ADGRL2: variants seen among roughly 807,000 people sequenced by gnomAD.
ADGRL2 encodes the protein calcium-independent alpha-latrotoxin receptor 2.
ADGRL2 carries 44 observed loss-of-function variants against 157.4 expected under a neutral mutation model. That is an observed-to-expected ratio of 0.28 (90% CI 0.22 to 0.36). The LOEUF (loss-of-function observed/expected upper bound fraction) is 0.36. Ranked by LOEUF, ADGRL2 falls within the 10% of genes least tolerant of loss-of-function variation. The pLI, the probability that ADGRL2 is intolerant of heterozygous loss-of-function variation, is 1.00. For missense variants in ADGRL2, 1,510 were observed against 1,768.9 expected, an observed-to-expected ratio of 0.85 and a Z score of 2.63; for synonymous variants, 585 against 624.7, an observed-to-expected ratio of 0.94 and a Z score of 0.95.
intron 1 of ADGRL2, among the ~76,000 whole-genome samples, chr1:81,366,064 G>A (rs563722438): frequency 4.7e-4 from 71 of 152,126 alleles, no homozygotes; most frequent in Non-Finnish European, 5.4e-4. Context: ...ATTAGGGATA[G>A]TCTGTTGGTT....
chr1:81,353,087 A>T (rs1024299092), intron 1 of ADGRL2, among the ~76,000 whole-genome samples: 1 of 152,152 alleles, frequency 6.6e-6, no homozygotes, highest in Admixed American at 6.5e-5. Context: ...ATGTACGTTA[A>T]TCATCACAAG....
intron 2 of ADGRL2, among the ~76,000 whole-genome samples, chr1:81,539,415 G>A (rs890999034): frequency 4.6e-5 from 7 of 152,114 alleles, no homozygotes; most frequent in South Asian, 2.1e-4. Context: ...CTAACATACC[G>A]CAGATAACAA....
intron 1 of ADGRL2, among the ~76,000 whole-genome samples, chr1:81,814,562 A>G (rs1488082708): frequency 6.6e-6 from 1 of 151,512 alleles, no homozygotes; most frequent in Non-Finnish European, 1.5e-5. Flanking sequence ...ATAAACCTGC[A>G]TGTTTTAATA....
intron 1 of ADGRL2, among the ~76,000 whole-genome samples, chr1:81,754,652 TCCTTCCTCCCTCCCTTCCTCCTTTCCTC>T (rs1308705942): frequency 2.0e-5 from 3 of 147,586 alleles, no homozygotes; most frequent in Non-Finnish European, 3.0e-5. Context: ...TTCCTTTCCT[TCCTTCCTCCCTCCCTTCCTCCTTTCCTC>T]CCTTCCTCCC....
Position 81,987,475 on chromosome 1 carries a change from T to G in ADGRL2, c.3638-394T>G, listed in dbSNP as rs1663514743. 1.2e-5 allele frequency: 9 copies of G among 760,222 alleles called. No homozygotes were observed. In the South Asian group the frequency reaches 1.2e-4, roughly 10 times the overall value. The allele number at this position is 760,222 out of a possible 1,614,324, so 47.1% of individuals were successfully genotyped here. On this transcript the variant is annotated intron_variant, in intron 22 of 23. Coordinates refer to ENST00000686636, the MANE Select transcript of ADGRL2 (RefSeq NM_001366006.2). ...AAACCACATTCAGCCTATCAATATA[T>G]CCAAACTATAGTATAGTGCAGCTTT...
At chr1:81,842,108 G>A (rs2092606003) in intron 2 of ADGRL2, among the ~76,000 whole-genome samples, 1 of 152,004 alleles carries the variant, frequency 6.6e-6, no homozygotes, top group Non-Finnish European at 1.5e-5. Context: ...GAGCCACTGC[G>A]TATTCTATGT....
chr1:81,401,290 C>T (rs554329793), intron 1 of ADGRL2, among the ~76,000 whole-genome samples: 83 of 152,264 alleles, frequency 5.5e-4, no homozygotes, highest in African/African-American at 2.0e-3. Flanking sequence ...AGGCAGCAAA[C>T]TCAGCTGCCT....
intron 3 of ADGRL2, among the ~76,000 whole-genome samples, chr1:81,683,136 A>T (rs1369032802): frequency 6.6e-6 from 1 of 152,196 alleles, no homozygotes; most frequent in Non-Finnish European, 1.5e-5. Context: ...CTATCTCAAA[A>T]ATAAAAAGTA....
intron 3 of ADGRL2, among the ~76,000 whole-genome samples, chr1:81,640,057 G>A (rs2148797711): frequency 6.6e-6 from 1 of 152,196 alleles, no homozygotes; most frequent in Admixed American, 6.5e-5. Context: ...CAAACTCTTG[G>A]TATTATCCTC....
intron 1 of ADGRL2, chr1:81,427,605 G>T (rs2077242435): frequency 1.4e-6 from 1 of 700,864 alleles, no homozygotes; most frequent in East Asian, 2.5e-5. Flanking sequence ...AGGAGCAGAA[G>T]GTTTTGAAAA....
At chr1:81,427,775 C>T (rs1456295734) in intron 1 of ADGRL2, among the ~76,000 whole-genome samples, 2 of 152,172 alleles carry the variant, frequency 1.3e-5, no homozygotes, top group African/African-American at 2.4e-5. Flanking sequence ...GCAGCTTAAA[C>T]AGGAAACCTT....
At chr1:81,550,012 A>T (rs2080107678) in intron 2 of ADGRL2, among the ~76,000 whole-genome samples, 1 of 152,184 alleles carries the variant, frequency 6.6e-6, no homozygotes, top group African/African-American at 2.4e-5. Flanking sequence ...ATACCTAATA[A>T]CTTCAGGATT....
intron 2 of ADGRL2, among the ~76,000 whole-genome samples, chr1:81,509,701 T>C (rs1237528757): frequency 6.6e-6 from 1 of 152,190 alleles, no homozygotes; most frequent in Non-Finnish European, 1.5e-5. Context: ...CCATCTTTTA[T>C]GTAAAGCAAA....
rs918777038 is a variant in ADGRL2 at position 81,511,797 on chromosome 1, A to AT, written c.-248+66719dup. On this transcript the variant is annotated intron_variant, in intron 2 of 24. Transcript: ENST00000370721. Reference sequence around the variant, plus strand: ...ATTATAGAGAAAACAATGTTCCGGAATTTTTTTTTTTCTTTAAACACTTAT... The same window carrying AT: ...ATTATAGAGAAAACAATGTTCCGGAATTTTTTTTTTTTCTTTAAACACTTAT... 6.7e-3 allele frequency among the ~76,000 whole-genome samples: 999 copies of AT among 148,658 alleles called. 11 individuals carry two copies. The highest frequency in any genetic ancestry group is 0.022 in the African/African-American group (911 of 40,698).
At chr1:81,878,198 A>G (rs531014663) in intron 2 of ADGRL2, among the ~76,000 whole-genome samples, 39 of 152,228 alleles carry the variant, frequency 2.6e-4, no homozygotes, top group African/African-American at 9.4e-4. Flanking sequence ...CAGGCACAAG[A>G]AGACTATTTC....
At chr1:81,951,265 T>A in intron 8 of ADGRL2, 144 bp downstream of exon 8, 1 of 568,460 alleles carries the variant, frequency 1.8e-6, no homozygotes, top group East Asian at 2.8e-5. Flanking sequence ...TAGTTTTGTC[T>A]GTAAACTGTT....
intron 2 of ADGRL2, among the ~76,000 whole-genome samples, chr1:81,577,435 A>G (rs987331287): frequency 6.6e-6 from 1 of 152,142 alleles, no homozygotes; most frequent in African/African-American, 2.4e-5. Context: ...ACAATATGAC[A>G]TTGCTGGTGA....
At chr1:81,750,351 T>TCAAAAAGTAAACATATTAAAAATAA (rs1553149059) in intron 1 of ADGRL2, among the ~76,000 whole-genome samples, 1 of 152,134 alleles carries the variant, frequency 6.6e-6, no homozygotes, top group Non-Finnish European at 1.5e-5. Flanking sequence ...GGATGGTTGA[T>TCAAAAAGTAAACATATTAAAAATAA]CAAAAAGTAA....
chr1:81,921,619 T>A (rs1254861709), intron 3 of ADGRL2, among the ~76,000 whole-genome samples: 6 of 152,168 alleles, frequency 3.9e-5, no homozygotes, highest in Non-Finnish European at 1.5e-5. Context: ...AGCACTTGAG[T>A]CTAACATTTT....
Sources: allele counts gnomAD v4.1 joint callset (sites outside exome capture counted in the v4.1 genomes callset), GRCh38; gene constraint gnomAD v4.1.1; transcripts MANE v1.5; gene names NCBI Gene and HGNC (gene_info 2026-07-23, HGNC 2026-07-21).